CFAP221: variants seen among roughly 807,000 people sequenced by gnomAD.
The protein encoded by CFAP221 is cilia and flagella associated protein 221.
In CFAP221, 97 loss-of-function variants were observed where a neutral mutation model predicts 113.1. The ratio of observed to expected loss-of-function variants is 0.86; its 90% CI spans 0.73 to 1.02. CFAP221 has a LOEUF of 1.02. CFAP221 is among the 50% of genes least tolerant of loss of function. The probability of loss-of-function intolerance (pLI) is 0.00; values close to 1 mark genes in which losing one functional copy is unlikely to be tolerated. For synonymous variants in CFAP221, 331 were observed against 354.4 expected (o/e 0.93, Z 0.74); for missense variants, 1,025 against 1,013.4 (o/e 1.01, Z -0.16).
At chr2:119,585,511 T>G (rs1371289049) in intron 6 of CFAP221, among the ~76,000 whole-genome samples, 2 of 152,190 alleles carry the variant, frequency 1.3e-5, no homozygotes, top group Non-Finnish European at 2.9e-5. Context: ...AATGTTTTAT[T>G]TCTTTAAAAA....
intron 21 of CFAP221, among the ~76,000 whole-genome samples, chr2:119,646,715 A>G (rs180930787): frequency 1.4e-4 from 22 of 152,290 alleles, no homozygotes; most frequent in Admixed American, 5.9e-4. Flanking sequence ...GAAAAATTCT[A>G]TGATTCTCTT....
At chr2:119,622,846 C>A (rs1686028843) in intron 14 of CFAP221, among the ~76,000 whole-genome samples, 1 of 152,116 alleles carries the variant, frequency 6.6e-6, no homozygotes, top group Non-Finnish European at 1.5e-5. Context: ...TCTCAATAAA[C>A]TAGGTATTGA....
At chr2:119,572,493 T>G (rs1283327211) in intron 6 of CFAP221, 1 of 669,432 alleles carries the variant, frequency 1.5e-6, no homozygotes, top group Non-Finnish European at 2.7e-6. Context: ...ATTTTTCCAT[T>G]CCCATGGTTC....
At chr2:119,582,044 G>A (rs76034294) in intron 6 of CFAP221, among the ~76,000 whole-genome samples, 28,716 of 152,100 alleles carry the variant, frequency 0.19, 2,894 homozygotes, top group African/African-American at 0.25. Context: ...AATATTTTCA[G>A]AATGCCAGGG....
intron 6 of CFAP221, among the ~76,000 whole-genome samples, chr2:119,569,699 C>T (rs1681909457): frequency 6.6e-6 from 1 of 151,246 alleles, no homozygotes; most frequent in African/African-American, 2.4e-5. Context: ...GTCTTTTTTC[C>T]TCTTTATTTT....
At chr2:119,636,673 G>A (rs567124392) in intron 19 of CFAP221, among the ~76,000 whole-genome samples, 45 of 152,310 alleles carry the variant, frequency 3.0e-4, no homozygotes, top group African/African-American at 1.0e-3. Flanking sequence ...GAAAGAAGCA[G>A]CCTCTGGGAT....
intron 5 of CFAP221, 24 bp from the exon 6 acceptor site, chr2:119,561,990 T>A (rs901379956): frequency 4.7e-6 from 7 of 1,474,774 alleles, no homozygotes; most frequent in Non-Finnish European, 6.4e-6. Flanking sequence ...AATGTTAAAC[T>A]TGACTTTTTC....
intron 5 of CFAP221, 84 bp from the exon 6 acceptor site, chr2:119,561,930 A>T: frequency 1.1e-6 from 1 of 883,260 alleles, no homozygotes; most frequent in Non-Finnish European, 1.7e-6. Context: ...GATGGAAACA[A>T]GATAAGAAAT....
Position 119,656,540 on chromosome 2 carries a change from A to G in CFAP221, c.*70A>G, listed in dbSNP as rs1688447335. ...ACTGTGGCCCCTTGCGTCCATTTAC[A>G]TGCCAGCCATCTCTGCAATTAAAGT... On this transcript the variant is annotated 3_prime_UTR_variant, in exon 24 of 24. Coordinates refer to ENST00000413369, the MANE Select transcript of CFAP221 (RefSeq NM_001271049.2). The G allele has an allele frequency of 1.0e-6, 1 of 1,000,456 alleles. No individual in the cohort carries two copies. The highest frequency in any genetic ancestry group is 2.0e-5 in the Admixed American group (1 of 48,786). The allele number at this position is 1,000,456 out of a possible 1,614,324, so 62.0% of individuals were successfully genotyped here.
rs1233625125 is a variant in CFAP221, at chr2:119,562,015, G to A, written c.428G>A (p.Gly143Glu). Residue 143 changes from glycine to glutamate, a missense_variant and splice_region_variant, in exon 6 of 24, where the codon GGA (glycine) becomes GAA (glutamate). Transcript: ENST00000413369. ...TTGACTTTTTCTGGTTAATTTTAGGGAGATGACACTTTGCTTGTTCCTATT... is the reference window on the plus strand; with the variant it reads ...TTGACTTTTTCTGGTTAATTTTAGGAAGATGACACTTTGCTTGTTCCTATT... The part of the protein sequence containing the change: ...YYDCIRVHCK[G>E]DDTLLVPIHA... 6.5e-7 allele frequency: 1 copy of A among 1,531,072 alleles called. No individual in the cohort carries two copies. The highest frequency in any genetic ancestry group is 8.7e-7 in the Non-Finnish European group (1 of 1,143,942). The allele number at this position is 1,531,072 out of a possible 1,614,324, so 94.8% of individuals were successfully genotyped here.
chr2:119,559,003 A>G (rs1227025565), intron 3 of CFAP221, among the ~76,000 whole-genome samples: 3 of 152,200 alleles, frequency 2.0e-5, no homozygotes, highest in Non-Finnish European at 1.5e-5. Context: ...CAGAAACCAA[A>G]GGTCTCTTAA....
At chr2:119,608,472 C>T in intron 11 of CFAP221, 30 bp from the exon 12 acceptor site, 1 of 1,462,522 alleles carries the variant, frequency 6.8e-7, no homozygotes, top group Non-Finnish European at 9.2e-7. Flanking sequence ...CTGATGGGTT[C>T]TGGACACAGT....
In CFAP221 at chr2:119,608,588, A is replaced by G. The variant is rs1445157486; in HGVS notation, c.1220A>G (p.Lys407Arg). The change falls in exon 12 of 24, where the codon AAG becomes AGG. Residue 407 changes from lysine (K) to arginine (R), a missense_variant and splice_region_variant. Transcript: ENST00000413369. ...TGGCAAAAAGCATGTGCCAAATATA[A>G]GGTCAGAGTTACTGCTAATTTGCTA... ...EEWQKACAKY[K>R]LDRGDPILDE... 6.8e-6 allele frequency: 11 copies of G among 1,607,720 alleles called. No individual in the cohort carries two copies. The highest frequency in any genetic ancestry group is 1.3e-5 in the African/African-American group (1 of 74,602).
chr2:119,646,758 A>G (rs1252985968), intron 21 of CFAP221, among the ~76,000 whole-genome samples, 200 bp from the exon 22 acceptor site: 1 of 152,174 alleles, frequency 6.6e-6, no homozygotes, highest in African/African-American at 2.4e-5. Context: ...ACTTGGCAAC[A>G]TTCTCCCAGG....
chr2:119,602,074 G>C (rs1240074254), intron 8 of CFAP221, among the ~76,000 whole-genome samples: 1 of 152,014 alleles, frequency 6.6e-6, no homozygotes, highest in Admixed American at 6.6e-5. Context: ...TTATACCCAA[G>C]ATTTTTATAT....
At chr2:119,550,346 A>G (rs1387273063) in intron 3 of CFAP221, among the ~76,000 whole-genome samples, 1 of 152,262 alleles carries the variant, frequency 6.6e-6, no homozygotes, top group Non-Finnish European at 1.5e-5. Flanking sequence ...AATTTCCGTC[A>G]GGAAGACCCC....
chr2:119,631,146 T>G, intron 19 of CFAP221: 1 of 1,026,210 alleles, frequency 9.7e-7, no homozygotes, highest in Non-Finnish European at 1.2e-6. Context: ...ATCTATAATA[T>G]GTACATATAG....
chr2:119,614,104 A>G (rs1685363626), intron 13 of CFAP221, among the ~76,000 whole-genome samples: 1 of 152,238 alleles, frequency 6.6e-6, no homozygotes, highest in Admixed American at 6.5e-5. Context: ...TAAAACAAAG[A>G]AAGAGTCACC....
chr2:119,570,337 C>G (rs1681954478), intron 6 of CFAP221, among the ~76,000 whole-genome samples: 1 of 152,230 alleles, frequency 6.6e-6, no homozygotes, highest in Non-Finnish European at 1.5e-5. Context: ...TTTCTGATTT[C>G]ACAGCATGAA....
Sources: allele counts gnomAD v4.1 joint callset (sites outside exome capture counted in the v4.1 genomes callset), GRCh38; gene constraint gnomAD v4.1.1; transcripts MANE v1.5; gene names NCBI Gene and HGNC (gene_info 2026-07-23, HGNC 2026-07-21).